The following ASCC3 variants were observed in gnomAD, a reference collection of about 807,000 sequenced individuals.
ASCC3 encodes ASC-1 complex subunit P200.
In ASCC3, 158 loss-of-function variants were observed where a neutral mutation model predicts 256.3. That is an observed-to-expected ratio of 0.62 (90% CI 0.54 to 0.70). The LOEUF is 0.70. ASCC3 is among the 30% of genes least tolerant of loss of function. ASCC3 has a pLI of 0.00. For missense variants in ASCC3, 2,259 were observed against 2,626.0 expected (o/e 0.86, Z 3.05); for synonymous variants, 948 against 883.4 (o/e 1.07, Z -1.30).
chr6:100,702,891 A>G (rs1256030929), intron 13 of ASCC3, among the ~76,000 whole-genome samples: 4 of 152,112 alleles, frequency 2.6e-5, no homozygotes, highest in Non-Finnish European at 5.9e-5. Context: ...TATTTAGTTA[A>G]AAATGTGCTA....
At chr6:100,690,515 A>C (rs1008255562) in intron 13 of ASCC3, among the ~76,000 whole-genome samples, 3 of 152,162 alleles carry the variant, frequency 2.0e-5, no homozygotes, top group African/African-American at 7.2e-5. Context: ...AAATGTTAAA[A>C]TCCTCTATTA....
At chr6:100,590,696 T>G (rs1340621547) in intron 34 of ASCC3, among the ~76,000 whole-genome samples, 4 of 151,986 alleles carry the variant, frequency 2.6e-5, no homozygotes, top group African/African-American at 9.7e-5. Context: ...TGTACAGGAC[T>G]AGGAAGGGAA....
chr6:100,709,983 A>G (rs1209645662), intron 13 of ASCC3, among the ~76,000 whole-genome samples: 1 of 152,218 alleles, frequency 6.6e-6, no homozygotes, highest in African/African-American at 2.4e-5. Context: ...TGTCATCACT[A>G]ATCATTCAAA....
rs773779959 is a variant in ASCC3 at position 100,589,786 on chromosome 6, C to T, written c.5416-18G>A. The T allele has an allele frequency of 6.2e-6, 10 of 1,613,148 alleles. No homozygotes were observed. Among genetic ancestry groups the T allele is most frequent in the Non-Finnish European group, 6.8e-6 (8 of 1,179,594 alleles). On this transcript the variant is annotated intron_variant, in intron 35 of 41. Coordinates refer to ENST00000369162, the MANE Select transcript of ASCC3 (RefSeq NM_006828.4). ...CGATTATCCTATTTCAAAAGAATAA[C>T]AAATGAAGAGTACGATGAAAGTACA... is the stretch of plus-strand genomic sequence containing the variant.
At chr6:100,829,216 C>T (rs769205125) in intron 4 of ASCC3, among the ~76,000 whole-genome samples, 22 of 152,278 alleles carry the variant, frequency 1.4e-4, no homozygotes, top group East Asian at 1.9e-4. Flanking sequence ...CTGCCAGACC[C>T]GCACCGTGCA....
chr6:100,517,460 C>A lies in ASCC3; in HGVS notation c.5927+531G>T, dbSNP rs192507366. On this transcript the variant is annotated intron_variant, in intron 38 of 41. Transcript: ENST00000369162. ...GTATTAGACACTGTTCTTTTCCCTG[C>A]AAACATATTTCAGTCATGTACATGA... Among the ~76,000 whole-genome samples, 9 of 152,218 alleles carry A rather than the reference C, an allele frequency of 5.9e-5. No individual in the cohort carries two copies. The East Asian group carries it at 1.2e-3, about 20-fold the overall frequency.
intron 3 of ASCC3, among the ~76,000 whole-genome samples, chr6:100,852,729 A>C (rs554265184): frequency 5.0e-4 from 76 of 152,320 alleles, no homozygotes; most frequent in Admixed American, 3.7e-3. Flanking sequence ...TAAGAACTCC[A>C]AACTTTTAAA....
chr6:100,618,331 T>C (rs1412119831), intron 30 of ASCC3, among the ~76,000 whole-genome samples: 2 of 152,164 alleles, frequency 1.3e-5, no homozygotes, highest in African/African-American at 4.8e-5. Context: ...GACAAGAGTA[T>C]TACTGGAGGA....
At chr6:100,709,700 A>G (rs1415415087) in intron 13 of ASCC3, among the ~76,000 whole-genome samples, 1 of 152,182 alleles carries the variant, frequency 6.6e-6, no homozygotes, top group African/African-American at 2.4e-5. Context: ...GTGAATATAA[A>G]ACTGTATATA....
chr6:100,628,441 G>A (rs531521666), intron 27 of ASCC3, among the ~76,000 whole-genome samples: 4 of 152,232 alleles, frequency 2.6e-5, no homozygotes, highest in African/African-American at 9.6e-5. Context: ...AATGTTGAAG[G>A]TGGGGCCTGG....
chr6:100,605,113 T>C (rs1169307594), intron 33 of ASCC3, among the ~76,000 whole-genome samples: 1 of 152,174 alleles, frequency 6.6e-6, no homozygotes. Context: ...ACAACTGTAC[T>C]ATGAAAACCC....
In ASCC3 at chr6:100,868,052, A is replaced by G. The variant is rs1773562192; in HGVS notation, c.-41-14T>C. 7.4e-7 allele frequency: 1 copy of G among 1,348,432 alleles called. No homozygotes were observed. The highest frequency in any genetic ancestry group is 1.7e-5 in the Admixed American group (1 of 57,736). 83.5% of individuals were successfully genotyped at this position (1,348,432 alleles called of 1,614,324 possible). A position where few individuals can be genotyped will look rare whatever the true frequency, so the allele number is the denominator to read the frequency against. ...AGAAACCTGAAACTGAAACAAAACA[A>G]GATGATATTTATCTGTTCGGAAGAG... On this transcript the variant is annotated splice_polypyrimidine_tract_variant and intron_variant, in intron 1 of 41. Coordinates refer to ENST00000369162, the MANE Select transcript of ASCC3 (RefSeq NM_006828.4).
intron 1 of ASCC3, among the ~76,000 whole-genome samples, chr6:100,879,059 G>C (rs775173375): frequency 1.3e-5 from 2 of 152,136 alleles, no homozygotes; most frequent in African/African-American, 2.4e-5. Context: ...CTTGGGTTCG[G>C]TTAATTTGCT....
intron 8 of ASCC3, among the ~76,000 whole-genome samples, chr6:100,793,139 A>G (rs1241761847): frequency 1.3e-5 from 2 of 152,000 alleles, no homozygotes; most frequent in East Asian, 3.8e-4. Context: ...AACTAAACAA[A>G]GCAGTCATTA....
At chr6:100,776,919 A>G (rs1375514613) in intron 8 of ASCC3, among the ~76,000 whole-genome samples, 1 of 152,078 alleles carries the variant, frequency 6.6e-6, no homozygotes, top group Non-Finnish European at 1.5e-5. Context: ...GACATACATT[A>G]CATAATTTTC....
At chr6:100,523,671 C>G (rs578164545) in intron 37 of ASCC3, among the ~76,000 whole-genome samples, 12 of 152,184 alleles carry the variant, frequency 7.9e-5, no homozygotes, top group Admixed American at 7.2e-4. Context: ...GAATTTCCTA[C>G]GCATAACAGG....
intron 1 of ASCC3, among the ~76,000 whole-genome samples, chr6:100,874,421 G>A (rs939033315): frequency 5.0e-5 from 6 of 120,184 alleles, no homozygotes; most frequent in African/African-American, 1.3e-4. Flanking sequence ...AGCAGAGATC[G>A]CACCATTGCA....
intron 13 of ASCC3, among the ~76,000 whole-genome samples, chr6:100,704,912 G>GT (rs1778511425): frequency 6.6e-6 from 1 of 151,994 alleles, no homozygotes; most frequent in Non-Finnish European, 1.5e-5. Flanking sequence ...TCCTATAACT[G>GT]TAACAAAGTT....
intron 26 of ASCC3, among the ~76,000 whole-genome samples, chr6:100,630,267 C>A (rs1401576022): frequency 6.6e-6 from 1 of 152,046 alleles, no homozygotes; most frequent in Non-Finnish European, 1.5e-5. Context: ...ATAATGTTCA[C>A]AAAGTATTTA....
Sources: gnomAD v4.1 joint callset for allele counts (sites outside exome capture counted in the v4.1 genomes callset) on GRCh38, gnomAD v4.1.1 for gene constraint, MANE v1.5 for transcripts, NCBI Gene and HGNC (gene_info 2026-07-23, HGNC 2026-07-21) for gene names.